The following CSMD1 variants were observed in gnomAD, a reference collection of about 807,000 sequenced individuals.
The protein encoded by CSMD1 is CUB and sushi domain-containing protein 1.
Under a neutral mutation model 417.5 loss-of-function variants are expected in CSMD1, and 213 were observed. The observed-to-expected ratio is 0.51, with a 90% CI of 0.46 to 0.57. CSMD1 has a LOEUF of 0.57. CSMD1 is among the 20% of genes least tolerant of loss of function. The probability of loss-of-function intolerance (pLI) is 0.00; values close to 1 mark genes in which losing one functional copy is unlikely to be tolerated. For synonymous variants in CSMD1, 2,862 were observed against 1,736.8 expected (o/e 1.65, Z -16.11); for missense variants, 6,923 against 4,529.7 (o/e 1.53, Z -15.17).
At chr8:4,057,966 G>T (rs6558838) in intron 3 of CSMD1, among the ~76,000 whole-genome samples, 1 of 149,898 alleles carries the variant, frequency 6.7e-6, no homozygotes, top group Non-Finnish European at 1.5e-5. Context: ...GTCAGGTAGG[G>T]TGATGCCTCC....
At chr8:3,352,285 C>A (rs755150793) in intron 21 of CSMD1, among the ~76,000 whole-genome samples, 1 of 152,112 alleles carries the variant, frequency 6.6e-6, no homozygotes, top group African/African-American at 2.4e-5. Context: ...GCAAACACAG[C>A]CTGAACCAGG....
intron 3 of CSMD1, among the ~76,000 whole-genome samples, chr8:4,322,628 A>G (rs1461715035): frequency 2.0e-5 from 3 of 152,208 alleles, no homozygotes; most frequent in Non-Finnish European, 4.4e-5. Context: ...TGCTGGACAT[A>G]TTTGAGAAAA....
At chr8:3,718,816 G>C (rs1190644325) in intron 6 of CSMD1, among the ~76,000 whole-genome samples, 4 of 152,228 alleles carry the variant, frequency 2.6e-5, no homozygotes, top group Admixed American at 2.0e-4. Flanking sequence ...TGTGATTTAA[G>C]TTTTCAGACA....
chr8:4,934,256 A>G (rs1462666303), intron 1 of CSMD1, among the ~76,000 whole-genome samples: 2 of 152,186 alleles, frequency 1.3e-5, no homozygotes, highest in East Asian at 1.9e-4. Flanking sequence ...AAAAAAATAA[A>G]TATTTCCCCA....
intron 5 of CSMD1, among the ~76,000 whole-genome samples, chr8:3,993,879 C>G (rs1814951258): frequency 6.6e-6 from 1 of 152,140 alleles, no homozygotes; most frequent in Non-Finnish European, 1.5e-5. Context: ...ATGGGATCGA[C>G]AAAAGATAGG....
chr8:4,957,645 A>G (rs1431576041), intron 1 of CSMD1, among the ~76,000 whole-genome samples: 1 of 152,224 alleles, frequency 6.6e-6, no homozygotes, highest in Non-Finnish European at 1.5e-5. Flanking sequence ...GATGTTTACC[A>G]TTCTAGAGTT....
rs143764001 is a variant in CSMD1, at chr8:3,973,155, G to A, written c.818+24748C>T. On this transcript the variant is annotated intron_variant, in intron 5 of 69. Coordinates refer to ENST00000635120, the MANE Select transcript of CSMD1 (RefSeq NM_033225.6). ...GAAAATAAAATTCTAACGAATCCAT[G>A]TTTTGTCTGAAAACGTGGAAAAACT... 3.4e-3 allele frequency among the ~76,000 whole-genome samples: 523 copies of A among 152,314 alleles called. 2 individuals carry two copies. The highest frequency in any genetic ancestry group is 0.011 in the African/African-American group (476 of 41,576).
chr8:4,065,852 A>C (rs774053567), intron 3 of CSMD1, among the ~76,000 whole-genome samples: 5 of 152,174 alleles, frequency 3.3e-5, no homozygotes, highest in Non-Finnish European at 7.3e-5. Context: ...AAACACACAC[A>C]CCCAAAGTTT....
At chr8:4,200,219 G>A (rs969448547) in intron 3 of CSMD1, among the ~76,000 whole-genome samples, 1 of 152,026 alleles carries the variant, frequency 6.6e-6, no homozygotes, top group Non-Finnish European at 1.5e-5. Flanking sequence ...ATGAAATTCT[G>A]GCCAGCATTT....
chr8:3,637,000 G>T (rs373766525), intron 7 of CSMD1, among the ~76,000 whole-genome samples: 4 of 152,010 alleles, frequency 2.6e-5, no homozygotes, highest in Non-Finnish European at 5.9e-5. Flanking sequence ...CTCTCTGCTT[G>T]TTGCCCATCT....
intron 3 of CSMD1, among the ~76,000 whole-genome samples, chr8:4,270,542 G>A (rs571374486): frequency 6.2e-4 from 94 of 152,208 alleles, no homozygotes; most frequent in African/African-American, 2.2e-3. Context: ...GCTGTGACTA[G>A]TACAGCTTGA....
intron 1 of CSMD1, among the ~76,000 whole-genome samples, chr8:4,845,652 C>T (rs1235072393): frequency 3.3e-5 from 5 of 152,162 alleles, no homozygotes; most frequent in African/African-American, 1.2e-4. Context: ...TGAAGAAGCA[C>T]AGACGGGAAA....
intron 3 of CSMD1, among the ~76,000 whole-genome samples, chr8:4,324,783 G>C (rs1210803554): frequency 6.6e-6 from 1 of 152,186 alleles, no homozygotes; most frequent in Non-Finnish European, 1.5e-5. Context: ...CATCGAAAGT[G>C]TGTTTACCTA....
chr8:4,886,568 T>G (rs986717750), intron 1 of CSMD1, among the ~76,000 whole-genome samples: 1 of 151,932 alleles, frequency 6.6e-6, no homozygotes, highest in African/African-American at 2.4e-5. Context: ...GTGGATATAT[T>G]TACATTAGGT....
intron 5 of CSMD1, among the ~76,000 whole-genome samples, chr8:3,797,098 A>G (rs760428094): frequency 6.6e-6 from 1 of 151,942 alleles, no homozygotes; most frequent in Non-Finnish European, 1.5e-5. Flanking sequence ...TTAATGGGTG[A>G]ACATTTAAAA....
At position 4,866,373 on chromosome 8, in the gene CSMD1, G is replaced by A. The variant is rs942732157; in HGVS notation, c.85+127959C>T. 2.6e-5 allele frequency among the ~76,000 whole-genome samples: 4 copies of A among 151,874 alleles called. No homozygotes were observed. In the East Asian group the frequency reaches 7.7e-4, roughly 29 times the overall value. On this transcript the variant is annotated intron_variant, in intron 1 of 69. Transcript: ENST00000635120. ...ACCAAAAATAACAACTACTGTCTTTGAAGAGTAACCTCCTGTGGTTAACAT... is the reference window on the plus strand; with the variant it reads ...ACCAAAAATAACAACTACTGTCTTTAAAGAGTAACCTCCTGTGGTTAACAT...
intron 48 of CSMD1, among the ~76,000 whole-genome samples, chr8:3,089,760 C>CTG (rs1388519455): frequency 6.6e-6 from 1 of 151,898 alleles, no homozygotes; most frequent in Admixed American, 6.6e-5. Flanking sequence ...CTTTCTCTCT[C>CTG]TCTCTCCACT....
intron 36 of CSMD1, chr8:3,182,885 TGTGTGTG>T (rs1821477474): frequency 2.8e-5 from 4 of 143,288 alleles, no homozygotes; most frequent in African/African-American, 1.1e-4. Flanking sequence ...TGTGTGTGTG[TGTGTGTG>T]TGTGTATTGT....
intron 49 of CSMD1, among the ~76,000 whole-genome samples, chr8:3,069,947 A>G (rs1813214059): frequency 6.6e-6 from 1 of 152,172 alleles, no homozygotes; most frequent in Admixed American, 6.5e-5. Context: ...CATTCTGCGC[A>G]CCTACAGGCT....
Sources: gnomAD v4.1 joint callset for allele counts (sites outside exome capture counted in the v4.1 genomes callset) on GRCh38, gnomAD v4.1.1 for gene constraint, MANE v1.5 for transcripts, NCBI Gene and HGNC (gene_info 2026-07-23, HGNC 2026-07-21) for gene names.